ZFPM2: variants seen among roughly 807,000 people sequenced by gnomAD.
The protein encoded by ZFPM2 is zinc finger protein, FOG family member 2, also known as zinc finger protein ZFPM2.
In ZFPM2, 20 loss-of-function variants were observed where a neutral mutation model predicts 98.6. The observed-to-expected ratio is 0.20, with a 90% CI of 0.14 to 0.29. The LOEUF is 0.29. Ranked by LOEUF, ZFPM2 falls within the 10% of genes least tolerant of loss-of-function variation. The pLI is 1.00. For missense variants in ZFPM2, 1,310 were observed against 1,388.6 expected, an observed-to-expected ratio of 0.94 and a Z score of 0.90; for synonymous variants, 518 against 502.7, an observed-to-expected ratio of 1.03 and a Z score of -0.41.
chr8:105,534,948 G>A (rs764311656), intron 3 of ZFPM2, among the ~76,000 whole-genome samples: 2 of 152,122 alleles, frequency 1.3e-5, no homozygotes, highest in Non-Finnish European at 2.9e-5. Flanking sequence ...GTAACAGCAA[G>A]TTTTCAGACA....
chr8:105,349,353 C>T (rs189697774), intron 1 of ZFPM2, among the ~76,000 whole-genome samples: 42 of 152,148 alleles, frequency 2.8e-4, no homozygotes, highest in African/African-American at 9.6e-4. Context: ...TCTGAGGGCC[C>T]GAGTAATGTG....
intron 3 of ZFPM2, among the ~76,000 whole-genome samples, chr8:105,454,783 A>G (rs181614670): frequency 4.6e-5 from 7 of 152,302 alleles, no homozygotes; most frequent in Admixed American, 1.3e-4. Flanking sequence ...GGGTAAATGC[A>G]TCGTTCTCAT....
At chr8:105,751,007 A>T (rs1484288014) in intron 5 of ZFPM2, among the ~76,000 whole-genome samples, 1 of 152,080 alleles carries the variant, frequency 6.6e-6, no homozygotes, top group Non-Finnish European at 1.5e-5. Context: ...GCAGACTTTT[A>T]AGTGAATACA....
chr8:105,530,379 G>T (rs1814270206), intron 3 of ZFPM2, among the ~76,000 whole-genome samples: 3 of 152,140 alleles, frequency 2.0e-5, no homozygotes, highest in South Asian at 4.1e-4. Flanking sequence ...TAGTTCACTG[G>T]AGTATCAGTC....
At chr8:105,403,327 A>ACC (rs1811376496) in intron 1 of ZFPM2, among the ~76,000 whole-genome samples, 1 of 151,570 alleles carries the variant, frequency 6.6e-6, no homozygotes, top group African/African-American at 2.4e-5. Context: ...TTTCTTTACT[A>ACC]CCTCTCATCT....
chr8:105,403,571 A>T lies in ZFPM2; in HGVS notation c.41-15573A>T, dbSNP rs143163823. ...AAAGTAATTATTTTAAGGAGAAGAA[A>T]GTTGAGTCTTTTTTTTTTCAGTCAT... On this transcript the variant is annotated intron_variant, in intron 1 of 7. Coordinates refer to ENST00000407775, the MANE Select transcript of ZFPM2 (RefSeq NM_012082.4). 5.7e-4 allele frequency among the ~76,000 whole-genome samples: 87 copies of T among 152,164 alleles called. No individual in the cohort carries two copies. The East Asian group carries it at 0.015, about 27-fold the overall frequency.
chr8:105,640,830 A>G (rs760492954), intron 5 of ZFPM2, among the ~76,000 whole-genome samples: 48 of 152,182 alleles, frequency 3.2e-4, no homozygotes, highest in Middle Eastern at 3.4e-3. Flanking sequence ...ATAATGTTGT[A>G]TAAATAATAA....
intron 4 of ZFPM2, among the ~76,000 whole-genome samples, chr8:105,590,016 G>T (rs559680879): frequency 6.6e-6 from 1 of 152,096 alleles, no homozygotes; most frequent in Non-Finnish European, 1.5e-5. Context: ...CACTGCTCCC[G>T]GCTTCTTTAA....
intron 2 of ZFPM2, among the ~76,000 whole-genome samples, chr8:105,435,801 G>GAA (rs149484302): frequency 2.0e-5 from 3 of 151,576 alleles, no homozygotes; most frequent in South Asian, 2.1e-4. Flanking sequence ...TCTATTGTGA[G>GAA]AAAAAAAATA....
chr8:105,357,243 G>A (rs1812766580), intron 1 of ZFPM2, among the ~76,000 whole-genome samples: 1 of 151,984 alleles, frequency 6.6e-6, no homozygotes, highest in Non-Finnish European at 1.5e-5. Context: ...TCCTTCAAGA[G>A]GCTTTTCAGT....
Position 105,803,139 on chromosome 8 carries a change from T to G in ZFPM2, c.3057T>G (p.Ala1019=), listed in dbSNP as rs1287802771. The G allele has an allele frequency of 6.2e-7, 1 of 1,613,912 alleles. No homozygotes were observed. Among genetic ancestry groups the G allele is most frequent in the Non-Finnish European group, 8.5e-7 (1 of 1,179,856 alleles). The change falls in exon 8 of 8, where the codon GCT becomes GCG. Residue 1019 remains alanine (A), a synonymous_variant. Coordinates refer to ENST00000407775, the MANE Select transcript of ZFPM2 (RefSeq NM_012082.4). ...NAENESPKGQ[A]SSNGCAALKK... Reference sequence around the variant, plus strand: ...AAAATGAATCTCCTAAAGGCCAGGCTTCCTCAAATGGGTGTGCTGCGCTGA... The same window carrying G: ...AAAATGAATCTCCTAAAGGCCAGGCGTCCTCAAATGGGTGTGCTGCGCTGA...
intron 4 of ZFPM2, among the ~76,000 whole-genome samples, chr8:105,600,429 T>C (rs1345221447): frequency 6.6e-6 from 1 of 152,126 alleles, no homozygotes; most frequent in East Asian, 1.9e-4. Flanking sequence ...CATTGAAACA[T>C]TGAAGTCCTA....
At chr8:105,676,128 G>C (rs1196240188) in intron 5 of ZFPM2, 1 of 152,146 alleles carries the variant, frequency 6.6e-6, no homozygotes, top group Non-Finnish European at 1.5e-5. Flanking sequence ...AAGGTAAAGG[G>C]AATGTCTCTT....
chr8:105,418,477 T>C (rs1217561040), intron 1 of ZFPM2: 3 of 492,012 alleles, frequency 6.1e-6, no homozygotes, highest in Non-Finnish European at 1.2e-5. Context: ...TCCAAGGGAG[T>C]TGTATTTTTA....
At chr8:105,499,271 G>A (rs1460447389) in intron 3 of ZFPM2, among the ~76,000 whole-genome samples, 1 of 151,254 alleles carries the variant, frequency 6.6e-6, no homozygotes, top group Admixed American at 6.6e-5. Context: ...AAAAAGGGTG[G>A]AGCTGGGAGA....
At chr8:105,359,654 G>A (rs760651949) in intron 1 of ZFPM2, among the ~76,000 whole-genome samples, 10 of 152,024 alleles carry the variant, frequency 6.6e-5, no homozygotes, top group Non-Finnish European at 8.8e-5. Context: ...GATTACAGGC[G>A]TGAGCCACCG....
chr8:105,722,062 A>G (rs1946109334), intron 5 of ZFPM2, among the ~76,000 whole-genome samples: 1 of 151,708 alleles, frequency 6.6e-6, no homozygotes, highest in South Asian at 2.1e-4. Flanking sequence ...AAATAATTTT[A>G]CCTTTTTCCT....
chr8:105,477,963 T>C (rs1813042933), intron 3 of ZFPM2, among the ~76,000 whole-genome samples: 1 of 152,240 alleles, frequency 6.6e-6, no homozygotes, highest in African/African-American at 2.4e-5. Context: ...TTTTTTCCTT[T>C]CTGCACAGTG....
chr8:105,389,119 G>C (rs779305868), intron 1 of ZFPM2, among the ~76,000 whole-genome samples: 14 of 151,550 alleles, frequency 9.2e-5, no homozygotes, highest in Non-Finnish European at 1.2e-4. Context: ...ACTTAACAGA[G>C]TGATGTGATT....
Sources: gnomAD v4.1 joint callset for allele counts (sites outside exome capture counted in the v4.1 genomes callset) on GRCh38, gnomAD v4.1.1 for gene constraint, MANE v1.5 for transcripts, NCBI Gene and HGNC (gene_info 2026-07-23, HGNC 2026-07-21) for gene names.